The following CEP19 variants were observed in gnomAD, a reference collection of about 807,000 sequenced individuals.
CEP19 encodes the protein centrosomal protein of 19 kDa.
CEP19 carries 14 observed loss-of-function variants against 17.5 expected under a neutral mutation model. That is an observed-to-expected ratio of 0.80 (90% CI 0.53 to 1.25). CEP19 has a LOEUF of 1.25. CEP19 is among the 50% of genes most tolerant of loss of function. The pLI, the probability that CEP19 is intolerant of heterozygous loss-of-function variation, is 0.00. For synonymous variants in CEP19, 59 were observed against 65.5 expected (o/e 0.90, Z 0.48); for missense variants, 193 against 192.0 (o/e 1.01, Z -0.03).
At position 196,711,914 on chromosome 3, in the gene CEP19, G is replaced by C. The variant is rs752950318; in HGVS notation, c.-71+15C>G. The C allele has an allele frequency of 4.2e-6, 3 of 717,480 alleles. No individual in the cohort carries two copies. Among genetic ancestry groups the C allele is most frequent in the Non-Finnish European group, 7.8e-6 (3 of 385,070 alleles). 44.4% of individuals were successfully genotyped at this position (717,480 alleles called of 1,614,324 possible). A position where few individuals can be genotyped will look rare whatever the true frequency, so the allele number is the denominator to read the frequency against. ...CCTACTCACGTCTCCACTAGTGCAA[G>C]GCTGGCTTTCTTACCCTTAGAGGAA... On this transcript the variant is annotated intron_variant, in intron 1 of 2. Transcript: ENST00000409690.
rs1206993487 is a variant in CEP19 at position 196,706,448 on chromosome 3, C to T, written c.*1103G>A. The T allele has an allele frequency of 2.0e-5, 3 of 152,124 alleles. No individual in the cohort carries two copies. The highest frequency in any genetic ancestry group is 7.2e-5 in the African/African-American group (3 of 41,426). 9.4% of individuals were successfully genotyped at this position (152,124 alleles called of 1,614,324 possible). On this transcript the variant is annotated 3_prime_UTR_variant, in exon 3 of 3. Transcript: ENST00000409690. ...CATGAACAGGCCTAAACTGGCAGTG[C>T]CTATTGTTCATTTATTATGGGTGGA...
Position 196,708,745 on chromosome 3 carries a change from C to A in CEP19, c.-70-18G>T. The A allele has an allele frequency of 7.3e-7, 1 of 1,366,810 alleles. No homozygotes were observed. Among genetic ancestry groups the A allele is most frequent in the Non-Finnish European group, 1.0e-6 (1 of 980,030 alleles). The allele number at this position is 1,366,810 out of a possible 1,614,324, so 84.7% of individuals were successfully genotyped here. On this transcript the variant is annotated intron_variant, in intron 1 of 2. Transcript: ENST00000409690. The stretch of plus-strand genomic sequence containing the variant: ...ACTTCCTGCTAAAGGGAAAAAACAA[C>A]TAGGTGTTGGATAAATGTCATTCAT...
Position 196,707,673 on chromosome 3 carries a change from A to G in CEP19, c.370T>C (p.Phe124Leu), listed in dbSNP as rs527513703. ...AKRKSIMDEL[F>L]EKNQKKKDDP... ...TCCTTCTTCTTCTGATTTTTCTCAA[A>G]AAGTTCATCCATGATGCTCTTTCTT... The change falls in exon 3 of 3, where the codon TTT (phenylalanine) becomes CTT (leucine). Residue 124 changes from phenylalanine (F) to leucine (L), a missense_variant. Transcript: ENST00000409690. 6.2e-7 allele frequency: 1 copy of G among 1,614,006 alleles called. No individual in the cohort carries two copies. Among genetic ancestry groups the G allele is most frequent in the South Asian group, 1.1e-5 (1 of 91,074 alleles).
At position 196,712,212 on chromosome 3, in the gene CEP19, TC is replaced by T; in HGVS notation, c.-355del. 1.9e-6 allele frequency: 1 copy of T among 535,876 alleles called. No individual in the cohort carries two copies. Among genetic ancestry groups the T allele is most frequent in the Non-Finnish European group, 3.3e-6 (1 of 298,598 alleles). 33.2% of individuals were successfully genotyped at this position (535,876 alleles called of 1,614,324 possible). On this transcript the variant is annotated 5_prime_UTR_variant, in exon 1 of 3. Transcript: ENST00000409690. ...CACCTCGGCGTACAGGGATTCCAGG[TC>T]CCGGCGAGCGCTGGCCTAGCGGTTT...
intron 1 of CEP19, among the ~76,000 whole-genome samples, chr3:196,710,053 T>C (rs913650616): frequency 6.6e-6 from 1 of 152,238 alleles, no homozygotes; most frequent in African/African-American, 2.4e-5. Context: ...ATATAGTTTA[T>C]AGTATGTTTC....
chr3:196,707,339 A>C lies in CEP19; in HGVS notation c.*212T>G, dbSNP rs1170088363. ...AGCCACCGCACCCGGCATGATTGTA[A>C]GCTCCTTAAAGGCAGATTCCTTTAT... On this transcript the variant is annotated 3_prime_UTR_variant, in exon 3 of 3. Transcript: ENST00000409690. 8 of 569,510 alleles carry C rather than the reference A, an allele frequency of 1.4e-5. No homozygotes were observed. The highest frequency in any genetic ancestry group is 3.8e-5 in the African/African-American group (2 of 52,700). 35.3% of individuals were successfully genotyped at this position (569,510 alleles called of 1,614,324 possible).
chr3:196,710,373 C>T (rs1051437794), intron 1 of CEP19, among the ~76,000 whole-genome samples: 4 of 151,518 alleles, frequency 2.6e-5, no homozygotes, highest in African/African-American at 7.3e-5. Context: ...GTGAAAACCA[C>T]GTCTGTACTA....
intron 1 of CEP19, among the ~76,000 whole-genome samples, chr3:196,711,066 G>C (rs925976630): frequency 6.7e-6 from 1 of 149,630 alleles, no homozygotes; most frequent in Admixed American, 6.7e-5. Context: ...AGCAATGGCT[G>C]TACTCGTCAA....
Position 196,707,815 on chromosome 3 carries a change from A to G in CEP19, c.228T>C (p.Phe76=). ...TCTGCCCCGACAAGTAACCTCGTAA[A>G]AAACTGAATAGCTTCTCTAGCTGCC... ...SLRQLEKLFS[F]LRGYLSGQSL... The change falls in exon 3 of 3, where the codon TTT becomes TTC. Residue 76 remains phenylalanine, a synonymous_variant. Coordinates refer to ENST00000409690, the MANE Select transcript of CEP19 (RefSeq NM_032898.5). The G allele has an allele frequency of 6.2e-7, 1 of 1,614,180 alleles. No homozygotes were observed. Among genetic ancestry groups the G allele is most frequent in the Non-Finnish European group, 8.5e-7 (1 of 1,180,028 alleles).
rs6776064 is a variant in CEP19, at chr3:196,708,663, T to C, written c.-6A>G. The C allele has an allele frequency of 0.38, 606,618 of 1,611,492 alleles. 117,198 individuals are homozygous for C. Among genetic ancestry groups the C allele is most frequent in the East Asian group, 0.63 (28,139 of 44,834 alleles). ...TTCTTGGCAGTGCACATCATTCCCA[T>C]GTACATGTCCGGGTAAGTCAGAGGA... On this transcript the variant is annotated 5_prime_UTR_variant, in exon 2 of 3. The change abolishes an upstream ATG in the 5' untranslated region. Transcript: ENST00000409690.
At position 196,710,842 on chromosome 3, in the gene CEP19, TAAAAAAAAAAAA is replaced by T. The variant is rs71161953; in HGVS notation, c.-71+1075_-71+1086del. On this transcript the variant is annotated intron_variant, in intron 1 of 2. Coordinates refer to ENST00000409690, the MANE Select transcript of CEP19 (RefSeq NM_032898.5). Reference sequence around the variant, plus strand: ...CTCCAAAGCATGATACGCCTATTCTTAAAAAAAAAAAAAAAAAAAAAAAAAACTACTTTAAAA... The same window carrying T: ...CTCCAAAGCATGATACGCCTATTCTTAAAAAAAAAAAAAACTACTTTAAAA... 2.4e-4 allele frequency among the ~76,000 whole-genome samples: 24 copies of T among 98,206 alleles called. 3 individuals are homozygous for T. The East Asian group carries it at 6.0e-3, about 24-fold the overall frequency. 64.4% of individuals were successfully genotyped at this position (98,206 alleles called of 152,430 possible).
At chr3:196,709,861 G>C (rs1395786530) in intron 1 of CEP19, among the ~76,000 whole-genome samples, 1 of 152,202 alleles carries the variant, frequency 6.6e-6, no homozygotes, top group East Asian at 1.9e-4. Context: ...TTGAGGTAAA[G>C]TGGCATAGGG....
At chr3:196,710,930 CCTT>C (rs1711738702) in intron 1 of CEP19, among the ~76,000 whole-genome samples, 2 of 146,698 alleles carry the variant, frequency 1.4e-5, no homozygotes, top group Admixed American at 6.8e-5. Flanking sequence ...CACCATTTCT[CCTT>C]CTTTTCCTTC....
chr3:196,711,313 T>C (rs1328107289), intron 1 of CEP19, among the ~76,000 whole-genome samples: 2 of 149,178 alleles, frequency 1.3e-5, no homozygotes, highest in African/African-American at 5.0e-5. Context: ...AACATGCTTA[T>C]ACTACCATTT....
chr3:196,706,422 T>C lies in CEP19; in HGVS notation c.*1129A>G, dbSNP rs1201255243. 1 of 152,238 alleles carries C rather than the reference T, an allele frequency of 6.6e-6. No individual in the cohort carries two copies. The highest frequency in any genetic ancestry group is 2.4e-5 in the African/African-American group (1 of 41,454). 9.4% of individuals were successfully genotyped at this position (152,238 alleles called of 1,614,324 possible). On this transcript the variant is annotated 3_prime_UTR_variant, in exon 3 of 3. Transcript: ENST00000409690. ...CGAAGATGCTGTCTTGCAGATCCAT[T>C]CATGAACAGGCCTAAACTGGCAGTG...
In CEP19 at chr3:196,708,732, A is replaced by C; in HGVS notation, c.-70-5T>G. Reference sequence around the variant, plus strand: ...AAGTTGCATAATGACTTCCTGCTAAAGGGAAAAAACAACTAGGTGTTGGAT... The same window carrying C: ...AAGTTGCATAATGACTTCCTGCTAACGGGAAAAAACAACTAGGTGTTGGAT... On this transcript the variant is annotated splice_polypyrimidine_tract_variant and splice_region_variant and intron_variant, in intron 1 of 2. Coordinates refer to ENST00000409690, the MANE Select transcript of CEP19 (RefSeq NM_032898.5). 1.3e-6 allele frequency: 2 copies of C among 1,495,466 alleles called. No homozygotes were observed. The highest frequency in any genetic ancestry group is 2.8e-5 in the African/African-American group (2 of 71,792). 92.6% of individuals were successfully genotyped at this position (1,495,466 alleles called of 1,614,324 possible).
intron 1 of CEP19, among the ~76,000 whole-genome samples, chr3:196,710,563 T>A (rs1711712842): frequency 6.6e-6 from 1 of 151,416 alleles, no homozygotes; most frequent in Non-Finnish European, 1.5e-5. Flanking sequence ...TGGAGGCAGG[T>A]GTGGTGGCTC....
rs1368157633 is a variant in CEP19, at chr3:196,708,665, T to C, written c.-8A>G. 1 of 1,613,640 alleles carries C rather than the reference T, an allele frequency of 6.2e-7. No homozygotes were observed. The highest frequency in any genetic ancestry group is 8.5e-7 in the Non-Finnish European group (1 of 1,179,698). ...CTTGGCAGTGCACATCATTCCCATG[T>C]ACATGTCCGGGTAAGTCAGAGGAAA... On this transcript the variant is annotated 5_prime_UTR_variant, in exon 2 of 3. Coordinates refer to ENST00000409690, the MANE Select transcript of CEP19 (RefSeq NM_032898.5).
intron 1 of CEP19, 135 bp downstream of exon 1, chr3:196,711,794 C>A: frequency 1.5e-6 from 1 of 669,126 alleles, no homozygotes; most frequent in South Asian, 1.6e-5. Flanking sequence ...CACGAATACT[C>A]CTCTCCCCAG....
Sources: allele counts gnomAD v4.1 joint callset (sites outside exome capture counted in the v4.1 genomes callset), GRCh38; gene constraint gnomAD v4.1.1; transcripts MANE v1.5; gene names NCBI Gene and HGNC (gene_info 2026-07-23, HGNC 2026-07-21).